The following CNTNAP2 variants were observed in gnomAD, a reference collection of about 807,000 sequenced individuals.
The protein encoded by CNTNAP2 is contactin associated protein 2, also known as contactin-associated protein-like 2.
A neutral mutation model predicts 155.2 loss-of-function variants in CNTNAP2; 98 were observed. The ratio of observed to expected loss-of-function variants is 0.63; its 90% CI spans 0.54 to 0.75. CNTNAP2 has a LOEUF of 0.75. CNTNAP2 is among the 30% of genes least tolerant of loss of function. The probability of loss-of-function intolerance (pLI) is 0.00; values close to 1 mark genes in which losing one functional copy is unlikely to be tolerated. For missense variants in CNTNAP2, 1,727 were observed against 1,688.1 expected, an observed-to-expected ratio of 1.02 and a Z score of -0.40; for synonymous variants, 651 against 631.2, an observed-to-expected ratio of 1.03 and a Z score of -0.47.
chr7:146,900,933 A>G (rs1291910475), intron 3 of CNTNAP2, among the ~76,000 whole-genome samples: 1 of 152,122 alleles, frequency 6.6e-6, no homozygotes, highest in Admixed American at 6.5e-5. Context: ...CAATGAACAA[A>G]TGAATCCTCT....
chr7:146,852,513 G>A (rs557869529), intron 3 of CNTNAP2, among the ~76,000 whole-genome samples: 8 of 152,054 alleles, frequency 5.3e-5, no homozygotes, highest in African/African-American at 1.7e-4. Flanking sequence ...TAAAAATCAT[G>A]TCCTACTTTC....
chr7:147,143,647 AC>A (rs1801644626), intron 8 of CNTNAP2, among the ~76,000 whole-genome samples: 1 of 152,184 alleles, frequency 6.6e-6, no homozygotes, highest in African/African-American at 2.4e-5. Flanking sequence ...GTTTATATAA[AC>A]CAAATTCATT....
At chr7:147,487,658 C>G (rs1020447994) in intron 11 of CNTNAP2, among the ~76,000 whole-genome samples, 1 of 151,506 alleles carries the variant, frequency 6.6e-6, no homozygotes, top group Non-Finnish European at 1.5e-5. Context: ...GCAACTTATT[C>G]TTTTTTTATA....
At chr7:146,986,012 TA>T (rs1798109285) in intron 3 of CNTNAP2, among the ~76,000 whole-genome samples, 1 of 152,182 alleles carries the variant, frequency 6.6e-6, no homozygotes, top group Non-Finnish European at 1.5e-5. Flanking sequence ...TAATTTTTTT[TA>T]TTTCCATAGG....
intron 11 of CNTNAP2, among the ~76,000 whole-genome samples, chr7:147,560,037 G>A (rs6967261): frequency 0.02 from 3,004 of 151,726 alleles, 102 homozygotes; most frequent in African/African-American, 0.069. Flanking sequence ...GCATGGTGGC[G>A]GATGCCTGTA....
In CNTNAP2 at chr7:147,827,000, G is replaced by T. The variant is rs1431009446; in HGVS notation, c.2099-76565G>T. Among the ~76,000 whole-genome samples the T allele has an allele frequency of 2.1e-5, 3 of 145,816 alleles. No homozygotes were observed. The Admixed American group carries it at 2.1e-4, about 10-fold the overall frequency. On this transcript the variant is annotated intron_variant, in intron 13 of 23. Transcript: ENST00000361727. ...GGCTGGAGTGCAGTGGTGCAATCTC[G>T]GCTCACTGCAAGCTCCACCTCCTGG...
intron 1 of CNTNAP2, among the ~76,000 whole-genome samples, chr7:146,267,532 A>G (rs1248648048): frequency 1.3e-5 from 2 of 152,192 alleles, no homozygotes; most frequent in Non-Finnish European, 2.9e-5. Context: ...TGATGATAAT[A>G]GGAGGTGGAG....
chr7:147,281,372 A>G (rs1224387479), intron 8 of CNTNAP2, among the ~76,000 whole-genome samples: 1 of 151,846 alleles, frequency 6.6e-6, no homozygotes, highest in Admixed American at 6.6e-5. Flanking sequence ...TTAAAAGACA[A>G]TATGTATATT....
chr7:146,955,335 T>C (rs1227538889), intron 3 of CNTNAP2, among the ~76,000 whole-genome samples: 1 of 151,974 alleles, frequency 6.6e-6, no homozygotes, highest in African/African-American at 2.4e-5. Context: ...TGGAAGATTT[T>C]TCCTCTAAAA....
At chr7:147,663,276 G>C (rs1198425257) in intron 13 of CNTNAP2, among the ~76,000 whole-genome samples, 1 of 152,354 alleles carries the variant, frequency 6.6e-6, no homozygotes, top group East Asian at 1.9e-4. Flanking sequence ...GATTACAGGC[G>C]TAAGCCACCG....
intron 13 of CNTNAP2, among the ~76,000 whole-genome samples, chr7:147,677,325 T>G (rs1368837247): frequency 6.6e-6 from 1 of 152,006 alleles, no homozygotes; most frequent in African/African-American, 2.4e-5. Flanking sequence ...AAATTTAGAG[T>G]CATGGCTCAT....
intron 9 of CNTNAP2, among the ~76,000 whole-genome samples, chr7:147,376,423 G>T (rs1236095777): frequency 6.6e-6 from 1 of 151,906 alleles, no homozygotes; most frequent in Non-Finnish European, 1.5e-5. Context: ...AGGAAGTAGG[G>T]TTCATATGTT....
Position 147,879,281 on chromosome 7 carries a change from C to G in CNTNAP2, c.2099-24284C>G, listed in dbSNP as rs771806211. Among the ~76,000 whole-genome samples the G allele has an allele frequency of 1.3e-5, 2 of 152,196 alleles. 1 individual carries two copies. Among genetic ancestry groups the G allele is most frequent in the South Asian group, 4.1e-4 (2 of 4,822 alleles). On this transcript the variant is annotated intron_variant, in intron 13 of 23. Coordinates refer to ENST00000361727, the MANE Select transcript of CNTNAP2 (RefSeq NM_014141.6). ...GGAGGAGCTGCCATCTGGACTTTGA[C>G]GACGAAGGCATCATTTACACAGGGC...
intron 15 of CNTNAP2, among the ~76,000 whole-genome samples, chr7:148,026,993 A>G (rs1802387937): frequency 6.6e-6 from 1 of 152,170 alleles, no homozygotes; most frequent in Admixed American, 6.5e-5. Context: ...GCTTTCTCAC[A>G]TACTAACAGA....
intron 1 of CNTNAP2, among the ~76,000 whole-genome samples, chr7:146,521,244 T>A (rs1011838410): frequency 1.3e-5 from 2 of 151,958 alleles, no homozygotes; most frequent in Non-Finnish European, 2.9e-5. Context: ...TAATGTATCA[T>A]AAGAGCAGAC....
At chr7:146,904,423 G>A (rs919933037) in intron 3 of CNTNAP2, among the ~76,000 whole-genome samples, 2 of 152,238 alleles carry the variant, frequency 1.3e-5, no homozygotes, top group South Asian at 2.1e-4. Context: ...ACAATGTCAG[G>A]TATTTATTGA....
chr7:146,461,521 G>C (rs1262467701), intron 1 of CNTNAP2, among the ~76,000 whole-genome samples: 1 of 151,980 alleles, frequency 6.6e-6, no homozygotes, highest in African/African-American at 2.4e-5. Flanking sequence ...TTATTGCTTT[G>C]CAAAAATCTT....
chr7:148,098,486 G>T (rs1481566579), intron 15 of CNTNAP2, among the ~76,000 whole-genome samples: 3 of 142,602 alleles, frequency 2.1e-5, no homozygotes, highest in Non-Finnish European at 4.5e-5. Flanking sequence ...TTGTGTGACT[G>T]GAGCCTAATA....
At chr7:148,083,982 G>A (rs10485843) in intron 15 of CNTNAP2, among the ~76,000 whole-genome samples, 21,838 of 152,106 alleles carry the variant, frequency 0.14, 2,105 homozygotes, top group East Asian at 0.45. Flanking sequence ...CACTCCGTAG[G>A]TGACCATAGA....
Sources: allele counts gnomAD v4.1 joint callset (sites outside exome capture counted in the v4.1 genomes callset), GRCh38; gene constraint gnomAD v4.1.1; transcripts MANE v1.5; gene names NCBI Gene and HGNC (gene_info 2026-07-23, HGNC 2026-07-21).